Variants in AFF3 observed in about 807,000 individuals in gnomAD.
The protein encoded by AFF3 is AF4/FMR2 family member 3.
A neutral mutation model predicts 129.7 loss-of-function variants in AFF3; 32 were observed. The ratio of observed to expected loss-of-function variants is 0.25; its 90% CI spans 0.19 to 0.33. AFF3 has a LOEUF of 0.33. Ranked by LOEUF, AFF3 falls within the 10% of genes least tolerant of loss-of-function variation. The pLI is 1.00. For missense variants in AFF3, 1,373 were observed against 1,592.0 expected, an observed-to-expected ratio of 0.86 and a Z score of 2.34; for synonymous variants, 644 against 635.4, an observed-to-expected ratio of 1.01 and a Z score of -0.20.
intron 4 of AFF3, among the ~76,000 whole-genome samples, chr2:100,064,935 A>C (rs144648580): frequency 3.3e-5 from 5 of 152,356 alleles, no homozygotes; most frequent in African/African-American, 1.2e-4. Flanking sequence ...AAGGGAAGGA[A>C]AATCCCTTTT....
intron 7 of AFF3, among the ~76,000 whole-genome samples, chr2:99,955,345 G>A (rs1432142147): frequency 1.3e-5 from 2 of 152,150 alleles, no homozygotes; most frequent in African/African-American, 4.8e-5. Flanking sequence ...TTCCAAGGCA[G>A]CAATTAAATT....
intron 10 of AFF3, among the ~76,000 whole-genome samples, chr2:99,742,155 A>C (rs1242520916): frequency 6.6e-6 from 1 of 152,186 alleles, no homozygotes; most frequent in Non-Finnish European, 1.5e-5. Flanking sequence ...CAGGAGTTCA[A>C]GACCAGCCTG....
chr2:99,624,358 A>G (rs1348615703), intron 13 of AFF3, among the ~76,000 whole-genome samples: 2 of 152,198 alleles, frequency 1.3e-5, no homozygotes, highest in African/African-American at 4.8e-5. Flanking sequence ...TAATTAAAAT[A>G]ATTTTGAATT....
intron 13 of AFF3, 39 bp downstream of exon 13, chr2:99,649,587 A>G (rs766568401): frequency 1.9e-6 from 3 of 1,605,396 alleles, no homozygotes; most frequent in Non-Finnish European, 2.6e-6. Context: ...TCAATGTTTC[A>G]TAAAGCAATT....
chr2:99,973,149 C>T lies in AFF3; in HGVS notation c.873+33483G>A, dbSNP rs577948348. Reference sequence around the variant, plus strand: ...AGGCTTAGATTCCCATGACCCCCAGCTGTTCTCCACTGAGTGCTCACTGTA... The same window carrying T: ...AGGCTTAGATTCCCATGACCCCCAGTTGTTCTCCACTGAGTGCTCACTGTA... On this transcript the variant is annotated intron_variant, in intron 7 of 24. Transcript: ENST00000672756. Among the ~76,000 whole-genome samples the T allele has an allele frequency of 9.2e-5, 14 of 152,358 alleles. No individual in the cohort carries two copies. The South Asian group carries it at 2.7e-3, about 29-fold the overall frequency.
intron 11 of AFF3, among the ~76,000 whole-genome samples, chr2:99,702,056 A>C (rs919725639): frequency 3.3e-5 from 5 of 152,202 alleles, no homozygotes; most frequent in Non-Finnish European, 7.3e-5. Context: ...GTTCTTGGCT[A>C]TTGCAAATAA....
At chr2:100,104,835 G>T in intron 3 of AFF3, 1 of 561,500 alleles carries the variant, frequency 1.8e-6, no homozygotes, top group Non-Finnish European at 2.2e-6. Context: ...GGTGCTCTGC[G>T]CCCGCCCGCC....
At chr2:99,813,626 G>C (rs1008375238) in intron 8 of AFF3, among the ~76,000 whole-genome samples, 4 of 152,118 alleles carry the variant, frequency 2.6e-5, no homozygotes, top group African/African-American at 7.2e-5. Context: ...ATATGAAAAA[G>C]AATCAAGGAA....
chr2:99,589,439 A>G (rs997537559), intron 15 of AFF3, among the ~76,000 whole-genome samples: 3 of 118,706 alleles, frequency 2.5e-5, no homozygotes, highest in Admixed American at 1.2e-4. Flanking sequence ...GTCTCACTCT[A>G]TTGCCAGGCT....
At chr2:100,116,098 T>C (rs942661717) in intron 2 of AFF3, among the ~76,000 whole-genome samples, 3 of 152,194 alleles carry the variant, frequency 2.0e-5, no homozygotes, top group African/African-American at 7.2e-5. Flanking sequence ...TGGTCTCTCC[T>C]AATCTCTAAT....
chr2:99,814,530 G>A (rs944963044), intron 8 of AFF3, among the ~76,000 whole-genome samples: 1 of 152,114 alleles, frequency 6.6e-6, no homozygotes, highest in Non-Finnish European at 1.5e-5. Flanking sequence ...CATTCACATG[G>A]GGAAAATCTT....
rs60512639 is a variant in AFF3 at position 99,778,870 on chromosome 2, TTGTGTGTG to T, written c.922-26577_922-26570del. 7.5e-3 allele frequency among the ~76,000 whole-genome samples: 1,040 copies of T among 138,490 alleles called. 11 individuals are homozygous for T. The highest frequency in any genetic ancestry group is 0.026 in the African/African-American group (979 of 37,772). 90.9% of individuals were successfully genotyped at this position (138,490 alleles called of 152,430 possible). A position where few individuals can be genotyped will look rare whatever the true frequency, so the allele number is the denominator to read the frequency against. On this transcript the variant is annotated intron_variant, in intron 8 of 24. Coordinates refer to ENST00000672756, the MANE Select transcript of AFF3 (RefSeq NM_001386135.1). ...CCAAACTTGTTTATTACCTATAATT[TTGTGTGTG>T]TGTGTGTGTGTGTGTGCGCGTGTGT...
chr2:99,562,895 C>G (rs67977127), intron 20 of AFF3, among the ~76,000 whole-genome samples: 21,807 of 152,152 alleles, frequency 0.14, 1,778 homozygotes, highest in South Asian at 0.26. Context: ...TCTGGTGCCA[C>G]CGGGGCTTCA....
intron 7 of AFF3, among the ~76,000 whole-genome samples, chr2:99,977,172 T>A (rs902681230): frequency 6.6e-6 from 1 of 152,182 alleles, no homozygotes; most frequent in Non-Finnish European, 1.5e-5. Context: ...GGAGGATAAA[T>A]CTTACCACTG....
chr2:100,029,839 T>G (rs1367066456), intron 4 of AFF3, among the ~76,000 whole-genome samples: 1 of 152,118 alleles, frequency 6.6e-6, no homozygotes, highest in African/African-American at 2.4e-5. Flanking sequence ...CCAAGGCAGG[T>G]AGACTGCTTG....
intron 7 of AFF3, among the ~76,000 whole-genome samples, chr2:99,937,401 A>ATT (rs145412105): frequency 2.4e-4 from 36 of 151,522 alleles, no homozygotes; most frequent in South Asian, 4.2e-4. Flanking sequence ...GAATTGAAGG[A>ATT]TTTTTTTTTC....
At chr2:99,803,547 T>C (rs1276536733) in intron 8 of AFF3, among the ~76,000 whole-genome samples, 1 of 152,090 alleles carries the variant, frequency 6.6e-6, no homozygotes, top group Non-Finnish European at 1.5e-5. Flanking sequence ...CTTTTCAAAA[T>C]ACCAACATCA....
intron 7 of AFF3, among the ~76,000 whole-genome samples, chr2:99,932,514 C>G (rs1674120252): frequency 6.6e-6 from 1 of 152,182 alleles, no homozygotes; most frequent in African/African-American, 2.4e-5. Context: ...TGCAAATGGC[C>G]TTCCCCACAC....
At chr2:100,118,737 G>A (rs941464464) in intron 2 of AFF3, among the ~76,000 whole-genome samples, 1 of 151,780 alleles carries the variant, frequency 6.6e-6, no homozygotes, top group Non-Finnish European at 1.5e-5. Context: ...CACTGTTTAT[G>A]CTGTAGAACT....
Sources: allele counts gnomAD v4.1 joint callset (sites outside exome capture counted in the v4.1 genomes callset), GRCh38; gene constraint gnomAD v4.1.1; transcripts MANE v1.5; gene names NCBI Gene and HGNC (gene_info 2026-07-23, HGNC 2026-07-21).